Variants in ALDH1A2 observed in about 807,000 individuals in gnomAD.
ALDH1A2 encodes aldehyde dehydrogenase 1 family member A2.
In ALDH1A2, 27 loss-of-function variants were observed where a neutral mutation model predicts 60.3. That is an observed-to-expected ratio of 0.45 (90% confidence interval 0.33 to 0.62). The LOEUF (loss-of-function observed/expected upper bound fraction) is 0.62, where lower values mean the gene tolerates loss of function less well. Among genes scored for constraint, ALDH1A2 ranks in the 20% least tolerant of loss-of-function variants. The probability of loss-of-function intolerance (pLI) is 0.02; values close to 1 mark genes in which losing one functional copy is unlikely to be tolerated. For missense variants in ALDH1A2, 581 were observed against 643.8 expected (o/e 0.90, Z 1.06); for synonymous variants, 289 against 232.4 (o/e 1.24, Z -2.21).
intron 7 of ALDH1A2, among the ~76,000 whole-genome samples, chr15:57,969,086 ATG>A (rs1288199582): frequency 3.3e-5 from 5 of 152,204 alleles, no homozygotes; most frequent in African/African-American, 7.2e-5. Context: ...AAAGAACGGG[ATG>A]TGTTAGGCTA....
chr15:58,000,040 A>G (rs1304297090), intron 4 of ALDH1A2, among the ~76,000 whole-genome samples: 4 of 151,850 alleles, frequency 2.6e-5, no homozygotes, highest in Non-Finnish European at 5.9e-5. Flanking sequence ...AACAACAGAC[A>G]TTGGCACCTT....
At chr15:58,024,736 C>T (rs1440088137) in intron 1 of ALDH1A2, among the ~76,000 whole-genome samples, 1 of 152,180 alleles carries the variant, frequency 6.6e-6, no homozygotes, top group African/African-American at 2.4e-5. Context: ...CTACTGCAGA[C>T]TATACATCCT....
intron 12 of ALDH1A2, 33 bp from the exon 13 acceptor site, chr15:57,955,302 A>G (rs754833115): frequency 4.3e-6 from 7 of 1,612,288 alleles, no homozygotes; most frequent in Non-Finnish European, 5.9e-6. Context: ...GTCAGATACC[A>G]GAAGTCCAGG....
chr15:58,034,345 C>G (rs1896321713), intron 1 of ALDH1A2, among the ~76,000 whole-genome samples: 1 of 151,626 alleles, frequency 6.6e-6, no homozygotes, highest in Admixed American at 6.6e-5. Context: ...GTAATCCCGT[C>G]AGTTCTAGAT....
chr15:58,012,995 A>G (rs1385367235), intron 3 of ALDH1A2, among the ~76,000 whole-genome samples: 1 of 152,190 alleles, frequency 6.6e-6, no homozygotes, highest in Non-Finnish European at 1.5e-5. Context: ...TATATTCTCT[A>G]AGAAATTGAC....
At chr15:58,014,789 T>G (rs1895742417) in intron 1 of ALDH1A2, among the ~76,000 whole-genome samples, 1 of 152,200 alleles carries the variant, frequency 6.6e-6, no homozygotes. Context: ...AACTAGTTAG[T>G]TCAACAAGTT....
intron 1 of ALDH1A2, among the ~76,000 whole-genome samples, chr15:58,033,618 CAATT>C (rs2140544610): frequency 6.6e-6 from 1 of 150,926 alleles, no homozygotes; most frequent in South Asian, 2.1e-4. Flanking sequence ...AATGATTTCT[CAATT>C]AACTCAATAT....
rs1595633318 is a variant in ALDH1A2, at chr15:57,979,758, G to A, written c.798+12947C>T. ...CCTGGTAGTAAGGGGGATATTCAGG[G>A]ACCTCTCCTGGGCCCAGGCAGTTGC... On this transcript the variant is annotated intron_variant, in intron 7 of 12. Transcript: ENST00000249750. 4 of 260,788 alleles carry A rather than the reference G, an allele frequency of 1.5e-5. No homozygotes were observed. The East Asian group carries it at 3.3e-4, about 21-fold the overall frequency. 16.2% of individuals were successfully genotyped at this position (260,788 alleles called of 1,614,324 possible). A position where few individuals can be genotyped will look rare whatever the true frequency, so the allele number is the denominator to read the frequency against.
chr15:58,029,156 C>T (rs1896160886), intron 1 of ALDH1A2, among the ~76,000 whole-genome samples: 1 of 152,126 alleles, frequency 6.6e-6, no homozygotes, highest in Non-Finnish European at 1.5e-5. Flanking sequence ...TAAAACACTC[C>T]TCAGCAAATG....
intron 1 of ALDH1A2, among the ~76,000 whole-genome samples, chr15:58,037,715 T>C (rs1291355572): frequency 6.6e-6 from 1 of 151,718 alleles, no homozygotes; most frequent in Non-Finnish European, 1.5e-5. Flanking sequence ...AATTGTACTG[T>C]CTGGAAGTGT....
intron 1 of ALDH1A2, among the ~76,000 whole-genome samples, chr15:58,031,553 A>C (rs556985422): frequency 6.6e-6 from 1 of 152,364 alleles, no homozygotes; most frequent in African/African-American, 2.4e-5. Context: ...ACAGCAAAAG[A>C]AACTATCATC....
chr15:58,013,782 A>T, intron 3 of ALDH1A2, 76 bp downstream of exon 3: 1 of 1,543,376 alleles, frequency 6.5e-7, no homozygotes, highest in East Asian at 2.3e-5. Flanking sequence ...ATAAAATAAA[A>T]TACAGCCGAA....
intron 7 of ALDH1A2, among the ~76,000 whole-genome samples, chr15:57,978,563 T>G (rs1220475940): frequency 2.0e-5 from 3 of 152,190 alleles, no homozygotes; most frequent in African/African-American, 4.8e-5. Flanking sequence ...AAGATTTTTT[T>G]TTTCCTTACA....
intron 1 of ALDH1A2, among the ~76,000 whole-genome samples, chr15:58,059,251 GT>G (rs1369451039): frequency 6.6e-5 from 10 of 152,236 alleles, no homozygotes; most frequent in African/African-American, 2.2e-4. Context: ...TCACCTCTAC[GT>G]GAATTAGATT....
At chr15:58,003,809 G>C (rs1398974360) in intron 4 of ALDH1A2, among the ~76,000 whole-genome samples, 1 of 151,824 alleles carries the variant, frequency 6.6e-6, no homozygotes, top group Non-Finnish European at 1.5e-5. Context: ...AATGTAACAG[G>C]TAAAAAAGTG....
rs770290492 is a variant in ALDH1A2 at position 58,014,127 on chromosome 15, G to A, written c.222+50C>T. 51 of 1,614,082 alleles carry A rather than the reference G, an allele frequency of 3.2e-5. No individual in the cohort carries two copies. In the East Asian group the frequency reaches 1.0e-3, roughly 33 times the overall value. ...GAGAGCATATGTTTGCTGCTCTGCT[G>A]TTTGAAGGCAGTTATTTCATAGGAA... is the stretch of plus-strand genomic sequence containing the variant. On this transcript the variant is annotated intron_variant, in intron 2 of 12. Transcript: ENST00000249750.
intron 3 of ALDH1A2, 35 bp downstream of exon 3, chr15:58,013,823 G>C: frequency 6.2e-7 from 1 of 1,613,176 alleles, no homozygotes; most frequent in Admixed American, 1.7e-5. Context: ...TGGCAAATGT[G>C]GGTTAAAGAC....
chr15:58,010,751 G>C lies in ALDH1A2; in HGVS notation c.391C>G (p.Pro131Ala). 6.2e-7 allele frequency: 1 copy of C among 1,613,442 alleles called. No individual in the cohort carries two copies. Among genetic ancestry groups the C allele is most frequent in the Non-Finnish European group, 8.5e-7 (1 of 1,179,510 alleles). Residue 131 changes from proline (P) to alanine (A), a missense_variant, in exon 4 of 13, where the codon CCA (proline) becomes GCA (alanine). Transcript: ENST00000249750. Reference protein sequence around the residue: ...ATMESLNGGKPFLQAFYVDLQ... With the variant: ...ATMESLNGGKAFLQAFYVDLQ... Reference sequence around the variant, plus strand: ...TCCACATAAAAAGCTTGCAGGAATGGTTTGCCACCATTTAGGGATTCCATG... The same window carrying C: ...TCCACATAAAAAGCTTGCAGGAATGCTTTGCCACCATTTAGGGATTCCATG...
intron 8 of ALDH1A2, among the ~76,000 whole-genome samples, chr15:57,965,206 C>G (rs1893854788): frequency 6.6e-6 from 1 of 152,190 alleles, no homozygotes; most frequent in South Asian, 2.1e-4. Flanking sequence ...TAGGACTACT[C>G]ATACCGAACT....
Sources: gnomAD v4.1 joint callset for allele counts (sites outside exome capture counted in the v4.1 genomes callset) on GRCh38, gnomAD v4.1.1 for gene constraint, MANE v1.5 for transcripts, NCBI Gene and HGNC (gene_info 2026-07-23, HGNC 2026-07-21) for gene names.